Variants in ADAM7 observed in about 807,000 individuals in gnomAD.
ADAM7 encodes ADAM metallopeptidase domain 7.
In ADAM7, 97 loss-of-function variants were observed where a neutral mutation model predicts 102.9. That is an observed-to-expected ratio of 0.94 (90% CI 0.80 to 1.12). The LOEUF (loss-of-function observed/expected upper bound fraction) is 1.12, where lower values mean the gene tolerates loss of function less well. Among genes scored for constraint, ADAM7 ranks in the 50% most tolerant of loss-of-function variants. ADAM7 has a pLI of 0.00. For synonymous variants in ADAM7, 334 were observed against 304.4 expected, an observed-to-expected ratio of 1.10 and a Z score of -1.01; for missense variants, 991 against 908.7, an observed-to-expected ratio of 1.09 and a Z score of -1.16.
At chr8:24,483,956 A>G (rs1338861784) in intron 9 of ADAM7, among the ~76,000 whole-genome samples, 1 of 152,144 alleles carries the variant, frequency 6.6e-6, no homozygotes, top group Non-Finnish European at 1.5e-5. Flanking sequence ...CCAATTGAGC[A>G]TCATATTTGG....
chr8:24,507,067 G>T (rs563462616), intron 20 of ADAM7, among the ~76,000 whole-genome samples: 4 of 152,122 alleles, frequency 2.6e-5, no homozygotes, highest in African/African-American at 9.7e-5. Context: ...ACAGCTGGGG[G>T]AGTTGTATGA....
At chr8:24,492,209 T>A in intron 14 of ADAM7, 111 bp downstream of exon 14, 2 of 1,076,322 alleles carry the variant, frequency 1.9e-6, no homozygotes, top group Non-Finnish European at 2.7e-6. Context: ...GTGGCATTAT[T>A]CCAAGATATT....
intron 3 of ADAM7, among the ~76,000 whole-genome samples, chr8:24,448,861 T>G (rs148424506): frequency 0.02 from 3,117 of 152,148 alleles, 118 homozygotes; most frequent in African/African-American, 0.072. Context: ...GTCCATGTGT[T>G]CTCATTGTTC....
chr8:24,472,953 C>T (rs1410766169), intron 7 of ADAM7, among the ~76,000 whole-genome samples: 1 of 151,932 alleles, frequency 6.6e-6, no homozygotes, highest in Admixed American at 6.6e-5. Context: ...ATATGAAGAA[C>T]TATGTGCCAA....
rs1415288489 is a variant in ADAM7, at chr8:24,493,077, G to A, written c.1690G>A (p.Gly564Arg). The A allele has an allele frequency of 6.2e-7, 1 of 1,608,640 alleles. No homozygotes were observed. Among genetic ancestry groups the A allele is most frequent in the Non-Finnish European group, 8.5e-7 (1 of 1,177,882 alleles). ...VRCGKIYCTG[G>R]ELSSLLGEDK... Reference sequence around the variant, plus strand: ...ATGTGGAAAGATCTACTGCACTGGAGGGGAGCTTTCCTCTCTCCTTGGAGA... The same window carrying A: ...ATGTGGAAAGATCTACTGCACTGGAAGGGAGCTTTCCTCTCTCCTTGGAGA... The change falls in exon 16 of 22, where the codon GGG becomes AGG. Residue 564 changes from glycine (G) to arginine (R), a missense_variant. Gly to Arg is a moderately radical substitution (Grantham distance 125, BLOSUM62 -2). Coordinates refer to ENST00000175238, the MANE Select transcript of ADAM7 (RefSeq NM_003817.4).
In ADAM7 at chr8:24,466,821, C is replaced by A; in HGVS notation, c.412C>A (p.Gln138Lys). 1 of 1,613,104 alleles carries A rather than the reference C, an allele frequency of 6.2e-7. No homozygotes were observed. Among genetic ancestry groups the A allele is most frequent in the Non-Finnish European group, 8.5e-7 (1 of 1,179,718 alleles). ...GLRGFFRIND[Q>K]RYLIEPVKYS... is the part of the protein sequence containing the mutation. Reference sequence around the variant, plus strand: ...CAGGGGATTCTTCAGAATAAACGACCAAAGATACCTCATTGAACCAGTGAA... The same window carrying A: ...CAGGGGATTCTTCAGAATAAACGACAAAAGATACCTCATTGAACCAGTGAA... Residue 138 changes from glutamine to lysine, a missense_variant, in exon 6 of 22, where the codon CAA becomes AAA. Physicochemically the swap from Gln to Lys is moderately conservative, Grantham distance 53. Transcript: ENST00000175238.
intron 8 of ADAM7, among the ~76,000 whole-genome samples, chr8:24,477,966 C>T (rs987043117): frequency 6.6e-6 from 1 of 152,102 alleles, no homozygotes; most frequent in African/African-American, 2.4e-5. Context: ...CTTATAGTTT[C>T]CACCTCTCTG....
At chr8:24,475,086 C>A (rs560479082) in intron 7 of ADAM7, among the ~76,000 whole-genome samples, 84 of 152,138 alleles carry the variant, frequency 5.5e-4, no homozygotes, top group African/African-American at 1.7e-3. Flanking sequence ...TGACAGCTAG[C>A]AAGTTGAAAA....
chr8:24,465,871 T>G, intron 5 of ADAM7, 96 bp downstream of exon 5: 1 of 843,778 alleles, frequency 1.2e-6, no homozygotes, highest in South Asian at 2.7e-5. Context: ...TCCTGGTATA[T>G]AGAAAAATTA....
Position 24,500,219 on chromosome 8 carries a change from G to A in ADAM7, c.1965G>A (p.Gln655=). The A allele has an allele frequency of 6.2e-7, 1 of 1,612,208 alleles. No individual in the cohort carries two copies. The highest frequency in any genetic ancestry group is 8.5e-7 in the Non-Finnish European group (1 of 1,178,646). ...TCCAGTGCCACTGTGAGGAAGGACA[G>A]GCACCTGTAGCCTGTGAAGAAACCT... The part of the protein sequence containing the change: ...HGLQCHCEEG[Q]APVACEETLH... The change falls in exon 18 of 22, where the codon CAG becomes CAA. Residue 655 remains glutamine, a synonymous_variant. Coordinates refer to ENST00000175238, the MANE Select transcript of ADAM7 (RefSeq NM_003817.4).
At chr8:24,468,621 C>A (rs1585881062) in intron 6 of ADAM7, 146 bp from the exon 7 acceptor site, 2 of 670,366 alleles carry the variant, frequency 3.0e-6, no homozygotes, top group Non-Finnish European at 5.1e-6. Flanking sequence ...TAAATTCGTA[C>A]AATTTTTATA....
intron 20 of ADAM7, chr8:24,506,229 A>G (rs977550754): frequency 8.1e-7 from 1 of 1,229,948 alleles, no homozygotes; most frequent in Admixed American, 2.4e-5. Flanking sequence ...AAACTTAATC[A>G]TTTGTTGGTT....
intron 3 of ADAM7, among the ~76,000 whole-genome samples, chr8:24,452,579 A>C (rs1818841115): frequency 6.6e-6 from 1 of 151,312 alleles, no homozygotes; most frequent in Non-Finnish European, 1.5e-5. Flanking sequence ...AATACAGCAC[A>C]CTGATGGGTC....
intron 6 of ADAM7, among the ~76,000 whole-genome samples, chr8:24,468,359 C>T (rs1025735504): frequency 6.6e-6 from 1 of 151,508 alleles, no homozygotes; most frequent in Admixed American, 6.6e-5. Flanking sequence ...GACCTGAAAG[C>T]CTAAACAAAG....
At chr8:24,458,791 A>G (rs908726276) in intron 3 of ADAM7, among the ~76,000 whole-genome samples, 1 of 152,130 alleles carries the variant, frequency 6.6e-6, no homozygotes, top group Non-Finnish European at 1.5e-5. Flanking sequence ...TTTGTCATTG[A>G]TATACTTTAT....
Position 24,508,565 on chromosome 8 carries a change from A to G in ADAM7, c.*19A>G. The stretch of plus-strand genomic sequence containing the variant: ...ATTTAGAGCTTGAAGTTGGATATCC[A>G]AAATGGCCGTGCAAGCTTAGGCTGG... On this transcript the variant is annotated 3_prime_UTR_variant, in exon 22 of 22. Transcript: ENST00000175238. 1 of 1,613,604 alleles carries G rather than the reference A, an allele frequency of 6.2e-7. No homozygotes were observed. The highest frequency in any genetic ancestry group is 8.5e-7 in the Non-Finnish European group (1 of 1,179,722).
At position 24,508,635 on chromosome 8, in the gene ADAM7, T is replaced by C. The variant is rs1001010786; in HGVS notation, c.*89T>C. On this transcript the variant is annotated 3_prime_UTR_variant, in exon 22 of 22. Coordinates refer to ENST00000175238, the MANE Select transcript of ADAM7 (RefSeq NM_003817.4). The stretch of plus-strand genomic sequence containing the variant: ...TTTACAACCTTACCTAGATATCTGC[T>C]ACTCACATTTTTGGTAGTGTTTCAA... The C allele has an allele frequency of 9.4e-6, 15 of 1,597,494 alleles. No individual in the cohort carries two copies. The highest frequency in any genetic ancestry group is 1.3e-5 in the African/African-American group (1 of 74,442).
At position 24,493,129 on chromosome 8, in the gene ADAM7, C is replaced by T. The variant is rs749378802; in HGVS notation, c.1742C>T (p.Pro581Leu). ...GEDKTYHLKD[P>L]QKNATVKCKT... ...GACAAGACTTATCACCTTAAGGATC[C>T]CCAGAAGAATGCTACTGTCAAATGC... Residue 581 changes from proline (P) to leucine (L), a missense_variant, in exon 16 of 22, where the codon CCC becomes CTC. Transcript: ENST00000175238. 3 of 1,613,344 alleles carry T rather than the reference C, an allele frequency of 1.9e-6. No homozygotes were observed. Among genetic ancestry groups the T allele is most frequent in the South Asian group, 1.1e-5 (1 of 90,962 alleles).
chr8:24,505,094 G>T (rs1820905301), intron 20 of ADAM7, among the ~76,000 whole-genome samples: 1 of 152,084 alleles, frequency 6.6e-6, no homozygotes, highest in Non-Finnish European at 1.5e-5. Context: ...ACAGTGATTG[G>T]TATACACTTA....
Sources: gnomAD v4.1 joint callset for allele counts (sites outside exome capture counted in the v4.1 genomes callset) on GRCh38, gnomAD v4.1.1 for gene constraint, MANE v1.5 for transcripts, NCBI Gene and HGNC (gene_info 2026-07-23, HGNC 2026-07-21) for gene names.